PRKCA: variants seen among roughly 807,000 people sequenced by gnomAD.
PRKCA encodes protein kinase C alpha type.
A neutral mutation model predicts 87.0 loss-of-function variants in PRKCA; 27 were observed. That is an observed-to-expected ratio of 0.31 (90% CI 0.23 to 0.43). The LOEUF (loss-of-function observed/expected upper bound fraction) is 0.43, where lower values mean the gene tolerates loss of function less well. Ranked by LOEUF, PRKCA falls within the 20% of genes least tolerant of loss-of-function variation. The pLI, the probability that PRKCA is intolerant of heterozygous loss-of-function variation, is 1.00. For synonymous variants in PRKCA, 329 were observed against 311.1 expected, an observed-to-expected ratio of 1.06 and a Z score of -0.61; for missense variants, 518 against 852.3, an observed-to-expected ratio of 0.61 and a Z score of 4.88.
At chr17:66,327,147 G>A (rs1906027837) in intron 2 of PRKCA, among the ~76,000 whole-genome samples, 1 of 152,076 alleles carries the variant, frequency 6.6e-6, no homozygotes, top group Middle Eastern at 3.4e-3. Flanking sequence ...GAGGCGGGCA[G>A]ATCATGAGGT....
At chr17:66,596,514 A>G (rs1043474115) in intron 3 of PRKCA, among the ~76,000 whole-genome samples, 2 of 148,118 alleles carry the variant, frequency 1.4e-5, no homozygotes, top group African/African-American at 5.0e-5. Flanking sequence ...AAAGGGGAAG[A>G]TTTTAGTTCA....
chr17:66,376,020 A>T (rs1909398528), intron 2 of PRKCA, among the ~76,000 whole-genome samples: 1 of 152,218 alleles, frequency 6.6e-6, no homozygotes, highest in Non-Finnish European at 1.5e-5. Flanking sequence ...TTTATTCAGT[A>T]TATATTTATT....
chr17:66,804,046 A>G lies in PRKCA; in HGVS notation c.*9A>G. On this transcript the variant is annotated 3_prime_UTR_variant, in exon 17 of 17. Coordinates refer to ENST00000413366, the MANE Select transcript of PRKCA (RefSeq NM_002737.3). Reference sequence around the variant, plus strand: ...TACAGAGTGCAGTATGAAACTCACCAGCGAGAACAAACACCTCCCCAGCCC... The same window carrying G: ...TACAGAGTGCAGTATGAAACTCACCGGCGAGAACAAACACCTCCCCAGCCC... 6.3e-7 allele frequency: 1 copy of G among 1,595,730 alleles called. No individual in the cohort carries two copies. Among genetic ancestry groups the G allele is most frequent in the Non-Finnish European group, 8.6e-7 (1 of 1,164,942 alleles).
intron 11 of PRKCA, 86 bp downstream of exon 11, chr17:66,738,941 G>T: frequency 9.6e-7 from 1 of 1,047,094 alleles, no homozygotes; most frequent in Non-Finnish European, 1.4e-6. Flanking sequence ...GCTTGAGATT[G>T]GGGGTCTCAC....
At chr17:66,512,838 G>A (rs548125699) in intron 3 of PRKCA, among the ~76,000 whole-genome samples, 67 of 152,128 alleles carry the variant, frequency 4.4e-4, no homozygotes, top group African/African-American at 1.3e-3. Flanking sequence ...GATTATAGGC[G>A]TGCACCACCA....
chr17:66,734,568 G>A lies in PRKCA; in HGVS notation c.1057-921G>A, dbSNP rs187697730. Among the ~76,000 whole-genome samples, 62 of 152,290 alleles carry A rather than the reference G, an allele frequency of 4.1e-4. 1 individual carries two copies. In the East Asian group the frequency reaches 0.01, roughly 25 times the overall value. On this transcript the variant is annotated intron_variant, in intron 9 of 16. Coordinates refer to ENST00000413366, the MANE Select transcript of PRKCA (RefSeq NM_002737.3). ...CTCATCGCCATCTTGGATTTGGTGC[G>A]TTTTGGCTGGCTTCTTTACTGTATC... is the stretch of plus-strand genomic sequence containing the variant.
intron 2 of PRKCA, among the ~76,000 whole-genome samples, chr17:66,464,464 G>T (rs1914997454): frequency 6.6e-6 from 1 of 152,160 alleles, no homozygotes; most frequent in Non-Finnish European, 1.5e-5. Flanking sequence ...TTCCAAAGTG[G>T]CTGTACCATT....
intron 2 of PRKCA, among the ~76,000 whole-genome samples, chr17:66,488,588 A>G (rs1456570923): frequency 6.6e-6 from 1 of 152,206 alleles, no homozygotes; most frequent in Non-Finnish European, 1.5e-5. Context: ...TCCAACCAGG[A>G]AGGAATGCAC....
At chr17:66,637,048 T>G (rs1971166868) in intron 3 of PRKCA, among the ~76,000 whole-genome samples, 1 of 152,202 alleles carries the variant, frequency 6.6e-6, no homozygotes, top group East Asian at 1.9e-4. Context: ...TTGCTGGTTC[T>G]CCAGACTTAG....
chr17:66,594,758 C>T (rs577938705), intron 3 of PRKCA, among the ~76,000 whole-genome samples: 3 of 152,168 alleles, frequency 2.0e-5, no homozygotes, highest in Non-Finnish European at 2.9e-5. Context: ...CCCAGAACAT[C>T]GTGTTCTCTG....
intron 3 of PRKCA, among the ~76,000 whole-genome samples, chr17:66,553,680 T>C (rs983937872): frequency 6.6e-6 from 1 of 152,186 alleles, no homozygotes; most frequent in Non-Finnish European, 1.5e-5. Context: ...TCAAGCAGCC[T>C]TTGAAGGAGC....
chr17:66,708,003 A>G (rs181765229), intron 8 of PRKCA, among the ~76,000 whole-genome samples: 157 of 152,340 alleles, frequency 1.0e-3, no homozygotes, highest in African/African-American at 3.7e-3. Flanking sequence ...ACAGCTCCCT[A>G]CATGGGGTCC....
chr17:66,400,727 C>T (rs972887525), intron 2 of PRKCA, among the ~76,000 whole-genome samples: 6 of 152,214 alleles, frequency 3.9e-5, no homozygotes, highest in African/African-American at 1.4e-4. Flanking sequence ...AACCATTTTA[C>T]AGTCTAAGCA....
intron 2 of PRKCA, among the ~76,000 whole-genome samples, chr17:66,312,142 C>G (rs749297400): frequency 1.3e-5 from 2 of 152,052 alleles, no homozygotes; most frequent in Non-Finnish European, 2.9e-5. Flanking sequence ...CCACCATGCC[C>G]AGCTAATTTT....
At chr17:66,436,746 G>T (rs749181104) in intron 2 of PRKCA, among the ~76,000 whole-genome samples, 1 of 152,176 alleles carries the variant, frequency 6.6e-6, no homozygotes, top group Non-Finnish European at 1.5e-5. Flanking sequence ...ATTGGTGGGA[G>T]CACAGTGAGA....
chr17:66,313,478 GTCT>G (rs1679460505), intron 2 of PRKCA, among the ~76,000 whole-genome samples: 1 of 152,148 alleles, frequency 6.6e-6, no homozygotes, highest in Non-Finnish European at 1.5e-5. Context: ...CACTTAATGT[GTCT>G]TCTTTCTATC....
chr17:66,727,307 C>T (rs1294969289), intron 8 of PRKCA, among the ~76,000 whole-genome samples: 1 of 152,176 alleles, frequency 6.6e-6, no homozygotes, highest in Non-Finnish European at 1.5e-5. Context: ...GGGCCTGCTA[C>T]CTTTATGGGC....
chr17:66,376,387 C>T (rs1909415444), intron 2 of PRKCA, among the ~76,000 whole-genome samples: 1 of 152,158 alleles, frequency 6.6e-6, no homozygotes, highest in Non-Finnish European at 1.5e-5. Flanking sequence ...GCGGGTGGAT[C>T]ACCTGAGGTC....
chr17:66,395,716 C>A (rs1234980016), intron 2 of PRKCA, among the ~76,000 whole-genome samples: 1 of 152,188 alleles, frequency 6.6e-6, no homozygotes, highest in South Asian at 2.1e-4. Flanking sequence ...CAGATTTCAG[C>A]TGATTTTTTA....
Sources: gnomAD v4.1 joint callset for allele counts (sites outside exome capture counted in the v4.1 genomes callset) on GRCh38, gnomAD v4.1.1 for gene constraint, MANE v1.5 for transcripts, NCBI Gene and HGNC (gene_info 2026-07-23, HGNC 2026-07-21) for gene names.